MADD: variants seen among roughly 807,000 people sequenced by gnomAD.
MADD encodes the protein MAP kinase activating death domain, also known as MAP kinase-activating death domain protein.
Under a neutral mutation model 176.7 loss-of-function variants are expected in MADD, and 109 were observed. The observed-to-expected ratio is 0.62, with a 90% confidence interval of 0.53 to 0.72. The LOEUF (loss-of-function observed/expected upper bound fraction) is 0.72. Among genes scored for constraint, MADD ranks in the 30% least tolerant of loss-of-function variants. The probability of loss-of-function intolerance (pLI) is 0.00; values close to 1 mark genes in which losing one functional copy is unlikely to be tolerated. For synonymous variants in MADD, 771 were observed against 771.3 expected, an observed-to-expected ratio of 1.00 and a Z score of 0.01; for missense variants, 1,914 against 2,045.5, an observed-to-expected ratio of 0.94 and a Z score of 1.24.
intron 3 of MADD, 49 bp from the exon 4 acceptor site, chr11:47,275,850 T>C: frequency 6.6e-6 from 10 of 1,522,700 alleles, no homozygotes; most frequent in Non-Finnish European, 8.1e-6. Flanking sequence ...TGCAGTAGGG[T>C]ATCAGCTTCT....
At chr11:47,309,006 C>G in intron 23 of MADD, 2 of 1,614,022 alleles carry the variant, frequency 1.2e-6, no homozygotes, top group Non-Finnish European at 1.7e-6. Flanking sequence ...CATGTGGGAC[C>G]AGTTAGAGGA....
At chr11:47,293,792 T>C in intron 19 of MADD, 91 bp from the exon 22 acceptor site, 1 of 812,940 alleles carries the variant, frequency 1.2e-6, no homozygotes, top group Non-Finnish European at 2.1e-6. Context: ...GCTGAACGGG[T>C]CTGGGAACAG....
intron 27 of MADD, among the ~76,000 whole-genome samples, chr11:47,316,033 T>C (rs1043419192): frequency 9.4e-5 from 14 of 149,684 alleles, no homozygotes; most frequent in Admixed American, 6.7e-4. Context: ...GGTTTCACCA[T>C]GTTCGTTGGC....
At chr11:47,324,486 G>A in exon 30 of MADD, 1 of 1,613,814 alleles carries the variant, frequency 6.2e-7, no homozygotes, top group South Asian at 1.1e-5. Flanking sequence ...GAATTGGGTG[G>A]CGAGTTCCCT....
intron 26 of MADD, among the ~76,000 whole-genome samples, chr11:47,313,260 A>G (rs1420723022): frequency 6.6e-6 from 1 of 152,088 alleles, no homozygotes; most frequent in Non-Finnish European, 1.5e-5. Flanking sequence ...ATTACAAAAT[A>G]TGTCAACATT....
chr11:47,287,959 T>C (rs557900811), intron 15 of MADD, among the ~76,000 whole-genome samples: 1 of 151,806 alleles, frequency 6.6e-6, no homozygotes, highest in Non-Finnish European at 1.5e-5. Flanking sequence ...GCCTAATTTT[T>C]TGTATTTTTA....
intron 30 of MADD, 157 bp downstream of exon 33, chr11:47,324,734 A>T: frequency 1.4e-6 from 1 of 713,246 alleles, no homozygotes. Flanking sequence ...ACCCCAGGGG[A>T]GGGCACAGTG....
rs780475671 is a variant in MADD at position 47,315,341 on chromosome 11, C to G, written c.4197+14C>G. 6.5e-7 allele frequency: 1 copy of G among 1,545,136 alleles called. No homozygotes were observed. The highest frequency in any genetic ancestry group is 1.7e-5 in the Admixed American group (1 of 59,788). Reference sequence around the variant, plus strand: ...TTTTTCATGGAGGTAGGTGCTGGTTCATGCTGGGGGCCCAAAGGGCTATTG... The same window carrying G: ...TTTTTCATGGAGGTAGGTGCTGGTTGATGCTGGGGGCCCAAAGGGCTATTG... On this transcript the variant is annotated intron_variant, in intron 27 of 32. Coordinates refer to ENST00000402192, the Ensembl canonical transcript of MADD.
chr11:47,314,856 CT>C (rs899071747), intron 26 of MADD, among the ~76,000 whole-genome samples: 4 of 151,430 alleles, frequency 2.6e-5, no homozygotes, highest in African/African-American at 4.9e-5. Context: ...GAAACAGTGC[CT>C]TTTTTTTGAA....
At chr11:47,329,139 G>A in exon 33 of MADD, 2 of 1,613,900 alleles carry the variant, frequency 1.2e-6, no homozygotes. Flanking sequence ...GCCCCGGCCT[G>A]TCTCTAGCTG....
chr11:47,304,590 T>C (rs2081076639), intron 22 of MADD, among the ~76,000 whole-genome samples: 1 of 152,236 alleles, frequency 6.6e-6, no homozygotes, highest in Non-Finnish European at 1.5e-5. Context: ...TTCTGTTTTT[T>C]TGTTATGATT....
chr11:47,297,874 C>T (rs1307344878), intron 22 of MADD, among the ~76,000 whole-genome samples: 3 of 149,124 alleles, frequency 2.0e-5, no homozygotes, highest in South Asian at 4.2e-4. Context: ...CTGCAATCTC[C>T]ACCTCCCAGG....
intron 22 of MADD, among the ~76,000 whole-genome samples, chr11:47,296,653 G>A (rs1384553108): frequency 6.6e-6 from 1 of 152,064 alleles, no homozygotes; most frequent in Non-Finnish European, 1.5e-5. Context: ...ATAGGTGAGG[G>A]GAACAATGCC....
chr11:47,288,564 C>T (rs893732210), intron 15 of MADD, among the ~76,000 whole-genome samples: 1 of 152,210 alleles, frequency 6.6e-6, no homozygotes, highest in African/African-American at 2.4e-5. Flanking sequence ...CTTACCCTCT[C>T]ACCCATCTCC....
intron 26 of MADD, 134 bp from the exon 30 acceptor site, chr11:47,315,086 T>G: frequency 4.0e-6 from 2 of 502,148 alleles, no homozygotes; most frequent in Non-Finnish European, 7.3e-6. Context: ...ACCACTTCCC[T>G]GGTGACCAGT....
Position 47,321,705 on chromosome 11 carries a change from G to A in MADD, c.4198-1966G>A, listed in dbSNP as rs76183099. Among the ~76,000 whole-genome samples, 5 of 152,276 alleles carry A rather than the reference G, an allele frequency of 3.3e-5. No individual in the cohort carries two copies. The East Asian group carries it at 5.8e-4, about 18-fold the overall frequency. On this transcript the variant is annotated intron_variant, in intron 27 of 32. Transcript: ENST00000402192. ...GAGTAAGAGTTAATGGTTGGGGAGT[G>A]GAAGAGCAGTCAGGGATATTTGAGC...
intron 22 of MADD, among the ~76,000 whole-genome samples, chr11:47,300,291 C>CG (rs2076660506): frequency 6.6e-6 from 1 of 151,278 alleles, no homozygotes; most frequent in Non-Finnish European, 1.5e-5. Context: ...ACTGCTACCC[C>CG]CGCCTCCCGG....
chr11:47,282,283 G>A, intron 8 of MADD, 98 bp from the exon 9 acceptor site: 5 of 867,464 alleles, frequency 5.8e-6, no homozygotes, highest in Middle Eastern at 2.7e-4. Context: ...GATGTTGGAA[G>A]CCTGTTAAGT....
At chr11:47,323,167 G>C (rs1317493406) in intron 27 of MADD, among the ~76,000 whole-genome samples, 1 of 151,568 alleles carries the variant, frequency 6.6e-6, no homozygotes, top group Admixed American at 6.6e-5. Flanking sequence ...TAACCCACAA[G>C]GCAGAGGTTG....
Sources: gnomAD v4.1 joint callset for allele counts (sites outside exome capture counted in the v4.1 genomes callset) on GRCh38, gnomAD v4.1.1 for gene constraint, MANE v1.5 for transcripts, NCBI Gene and HGNC (gene_info 2026-07-23, HGNC 2026-07-21) for gene names.